MAP3K15: variants seen among roughly 807,000 people sequenced by gnomAD.
MAP3K15 encodes mitogen-activated protein kinase kinase kinase 15.
In MAP3K15, 124 loss-of-function variants were observed where a neutral mutation model predicts 99.5. The observed-to-expected ratio is 1.25, with a 90% CI of 1.08 to 1.45. The LOEUF is 1.45. Ranked by LOEUF, MAP3K15 falls within the 40% of genes most tolerant of loss-of-function variation. The pLI, the probability that MAP3K15 is intolerant of heterozygous loss-of-function variation, is 0.00. For synonymous variants in MAP3K15, 494 were observed against 439.6 expected (o/e 1.12, Z -1.55); for missense variants, 1,242 against 1,079.7 (o/e 1.15, Z -2.11).
At chrX:19,467,946 GA>G (rs763256762) in intron 3 of MAP3K15, among the ~76,000 whole-genome samples, 338 of 111,958 alleles carry the variant, frequency 3.0e-3, no homozygotes, top group Non-Finnish European at 4.5e-3. Context: ...GGCAAGCTGA[GA>G]AGACTAGAGG....
At position 19,486,513 on chromosome X, in the gene MAP3K15, GA is replaced by G; in HGVS notation, c.502-9del. On this transcript the variant is annotated splice_polypyrimidine_tract_variant and intron_variant, in intron 2 of 28. Coordinates refer to ENST00000338883, the MANE Select transcript of MAP3K15 (RefSeq NM_001001671.4). ...TTTTTGAGTTACCATGTCCTGAAAA[GA>G]AAAAGAAAAGATGAATATAGCTTTT... is the stretch of plus-strand genomic sequence containing the variant. The G allele has an allele frequency of 1.1e-6, 1 of 874,897 alleles. No individual in the cohort carries two copies. The highest frequency in any genetic ancestry group is 1.5e-6 in the Non-Finnish European group (1 of 648,552). 72.1% of individuals were successfully genotyped at this position (874,897 alleles called of 1,213,427 possible).
intron 6 of MAP3K15, among the ~76,000 whole-genome samples, chrX:19,437,123 G>T (rs1160801213): frequency 8.9e-6 from 1 of 111,872 alleles, no homozygotes; most frequent in East Asian, 2.8e-4. Flanking sequence ...ATTGGACCAG[G>T]AGATTCCACT....
chrX:19,387,363 G>GT (rs1454446059), intron 18 of MAP3K15, among the ~76,000 whole-genome samples: 2 of 111,730 alleles, frequency 1.8e-5, no homozygotes, highest in African/African-American at 6.5e-5. Flanking sequence ...CTGCCTTAGG[G>GT]TTTATCTTTT....
intron 9 of MAP3K15, among the ~76,000 whole-genome samples, chrX:19,416,227 A>G (rs919793191): frequency 9.0e-6 from 1 of 111,114 alleles, no homozygotes; most frequent in African/African-American, 3.3e-5. Context: ...ACTACTTGGG[A>G]GGCTGAGGCA....
intron 16 of MAP3K15, among the ~76,000 whole-genome samples, chrX:19,394,096 T>C (rs1329583826): frequency 9.0e-6 from 1 of 111,339 alleles, no homozygotes; most frequent in East Asian, 2.8e-4. Flanking sequence ...TTAATAAATA[T>C]ACTTAAGACT....
At chrX:19,494,099 T>C (rs1397672548) in intron 1 of MAP3K15, among the ~76,000 whole-genome samples, 1 of 110,751 alleles carries the variant, frequency 9.0e-6, no homozygotes, top group Non-Finnish European at 1.9e-5. Flanking sequence ...ACACATATCA[T>C]ATAAACCATC....
Position 19,394,162 on chromosome X carries a change from T to A in MAP3K15, c.2194+919A>T, listed in dbSNP as rs2063548656. 2.7e-5 allele frequency among the ~76,000 whole-genome samples: 3 copies of A among 111,583 alleles called. 1 individual carries two copies. The South Asian group carries it at 1.1e-3, about 42-fold the overall frequency. On this transcript the variant is annotated intron_variant, in intron 16 of 28. Coordinates refer to ENST00000338883, the MANE Select transcript of MAP3K15 (RefSeq NM_001001671.4). ...TCAGTTGAATGAATGAATGAAGATT[T>A]CTAACTGAAGTTTTAACATCTGTAT...
intron 6 of MAP3K15, among the ~76,000 whole-genome samples, chrX:19,443,999 C>A (rs2063978029): frequency 9.0e-6 from 1 of 111,258 alleles, no homozygotes; most frequent in Admixed American, 9.6e-5. Context: ...TCCTCACACC[C>A]CCAGCTGCAC....
At chrX:19,400,694 C>A in intron 13 of MAP3K15, 31 bp from the exon 14 acceptor site, 1 of 961,454 alleles carries the variant, frequency 1.0e-6, no homozygotes, top group South Asian at 2.1e-5. Flanking sequence ...AATACGTTGC[C>A]AACTCAGAAC....
intron 3 of MAP3K15, chrX:19,466,835 T>C (rs989591516): frequency 2.7e-5 from 3 of 111,795 alleles, no homozygotes; most frequent in African/African-American, 6.5e-5. Context: ...CCAGATCCTA[T>C]CCCCAGAAAG....
intron 9 of MAP3K15, among the ~76,000 whole-genome samples, chrX:19,423,187 G>GA (rs1462536654): frequency 9.2e-6 from 1 of 108,768 alleles, no homozygotes. Flanking sequence ...AAGAAAAAAA[G>GA]AAAAAAAAGA....
chrX:19,464,511 T>A, intron 3 of MAP3K15, 105 bp from the exon 4 acceptor site: 1 of 571,790 alleles, frequency 1.7e-6, no homozygotes, highest in Non-Finnish European at 2.7e-6. Context: ...TACTTGAGGA[T>A]GAAAACAATT....
At chrX:19,369,610 A>G (rs956575734) in intron 24 of MAP3K15, among the ~76,000 whole-genome samples, 6 of 110,808 alleles carry the variant, frequency 5.4e-5, no homozygotes, top group African/African-American at 2.0e-4. Context: ...ATCTCTACTA[A>G]AAAATATATA....
intron 3 of MAP3K15, among the ~76,000 whole-genome samples, chrX:19,474,814 T>G (rs972074887): frequency 1.8e-5 from 2 of 111,434 alleles, no homozygotes; most frequent in Non-Finnish European, 1.9e-5. Context: ...ATCTCATTAT[T>G]TAAGACATTA....
In MAP3K15 at chrX:19,415,234, T is replaced by C. The variant is rs750179824; in HGVS notation, c.1463A>G (p.Asn488Ser). ...CTTGAAGCGCCGAATTAGTAACAAGTTCTGAACTAATGATCGCAGGTACCT... is the reference window on the plus strand; with the variant it reads ...CTTGAAGCGCCGAATTAGTAACAAGCTCTGAACTAATGATCGCAGGTACCT... ...PVWYLRSLVQ[N>S]LLLIRRFKKT... The change falls in exon 10 of 29, where the codon AAC becomes AGC. Residue 488 changes from asparagine (N) to serine (S), a missense_variant. Physicochemically the swap from Asn to Ser is conservative, Grantham distance 46. Transcript: ENST00000338883. 3.4e-6 allele frequency: 4 copies of C among 1,175,843 alleles called. No individual in the cohort carries two copies. The highest frequency in any genetic ancestry group is 4.5e-6 in the Non-Finnish European group (4 of 883,759).
chrX:19,475,179 G>A (rs1271420232), intron 3 of MAP3K15, among the ~76,000 whole-genome samples: 1 of 110,879 alleles, frequency 9.0e-6, no homozygotes, highest in Non-Finnish European at 1.9e-5. Flanking sequence ...GGGAATGATG[G>A]GACACAGTGA....
At chrX:19,461,989 TAAAACACACACACACACACACA>T (rs1365206362) in intron 4 of MAP3K15, among the ~76,000 whole-genome samples, 1 of 95,120 alleles carries the variant, frequency 1.1e-5, no homozygotes, top group African/African-American at 4.7e-5. Flanking sequence ...AGACTTGGTC[TAAAACACACACACACACACACA>T]CACACACACA....
At chrX:19,413,158 A>G (rs2063702544) in intron 11 of MAP3K15, among the ~76,000 whole-genome samples, 199 bp downstream of exon 11, 1 of 107,810 alleles carries the variant, frequency 9.3e-6, no homozygotes, top group Non-Finnish European at 1.9e-5. Flanking sequence ...CCACCCCCAC[A>G]CCTCACCACA....
chrX:19,481,007 C>T (rs1312153199), intron 3 of MAP3K15, among the ~76,000 whole-genome samples: 3 of 102,678 alleles, frequency 2.9e-5, no homozygotes, highest in Non-Finnish European at 5.8e-5. Flanking sequence ...TCCAGGCACT[C>T]GGGAGGTTGA....
Sources: gnomAD v4.1 joint callset for allele counts (sites outside exome capture counted in the v4.1 genomes callset) on GRCh38, gnomAD v4.1.1 for gene constraint, MANE v1.5 for transcripts, NCBI Gene and HGNC (gene_info 2026-07-23, HGNC 2026-07-21) for gene names.